SYCP1: variants seen among roughly 807,000 people sequenced by gnomAD.
SYCP1 encodes synaptonemal complex protein 1.
SYCP1 carries 64 observed loss-of-function variants against 153.1 expected under a neutral mutation model. That is an observed-to-expected ratio of 0.42 (90% CI 0.34 to 0.51). The LOEUF is 0.51. SYCP1 is among the 20% of genes least tolerant of loss of function. SYCP1 has a pLI of 0.06. For missense variants in SYCP1, 997 were observed against 1,049.0 expected (o/e 0.95, Z 0.68); for synonymous variants, 384 against 341.8 (o/e 1.12, Z -1.36).
intron 28 of SYCP1, among the ~76,000 whole-genome samples, chr1:114,979,924 G>A (rs1673043946): frequency 6.6e-6 from 1 of 151,808 alleles, no homozygotes; most frequent in African/African-American, 2.4e-5. Flanking sequence ...ACATGTAGTT[G>A]CCTCTTTATC....
At chr1:114,988,078 G>A (rs369718574) in intron 30 of SYCP1, among the ~76,000 whole-genome samples, 6 of 83,894 alleles carry the variant, frequency 7.2e-5, no homozygotes, top group Non-Finnish European at 1.2e-4. Context: ...TCTGATAAAC[G>A]GCAAAAAAAA....
intron 27 of SYCP1, among the ~76,000 whole-genome samples, chr1:114,976,781 G>A (rs1428989738): frequency 6.6e-6 from 1 of 151,764 alleles, no homozygotes; most frequent in African/African-American, 2.4e-5. Flanking sequence ...AGTGAAGTGA[G>A]TTCTGTGATT....
intron 27 of SYCP1, among the ~76,000 whole-genome samples, chr1:114,952,511 A>T (rs1671172898): frequency 6.6e-6 from 1 of 152,114 alleles, no homozygotes; most frequent in Non-Finnish European, 1.5e-5. Flanking sequence ...AGGGCTGGGG[A>T]GGCCTCAGGA....
chr1:114,955,393 A>G (rs1308325877), intron 27 of SYCP1, among the ~76,000 whole-genome samples: 2 of 152,042 alleles, frequency 1.3e-5, no homozygotes, highest in Admixed American at 6.5e-5. Flanking sequence ...TCTCTATACT[A>G]TCTTGTCTGG....
chr1:114,927,521 T>A (rs1669336772), intron 23 of SYCP1, among the ~76,000 whole-genome samples: 1 of 152,150 alleles, frequency 6.6e-6, no homozygotes, highest in African/African-American at 2.4e-5. Flanking sequence ...ATGGGGAATG[T>A]CAGTGAAGAA....
intron 27 of SYCP1, among the ~76,000 whole-genome samples, chr1:114,973,579 T>G (rs1672623647): frequency 1.3e-5 from 2 of 152,140 alleles, no homozygotes; most frequent in African/African-American, 4.8e-5. Context: ...AATGAGCACA[T>G]TTGTATATTG....
chr1:114,858,480 G>A (rs1406988834), intron 5 of SYCP1, 67 bp from the exon 6 acceptor site: 2 of 1,343,890 alleles, frequency 1.5e-6, no homozygotes, highest in African/African-American at 1.5e-5. Flanking sequence ...GATATTTTCA[G>A]TAGGCAGCTG....
chr1:114,877,146 A>G (rs1665598687), intron 11 of SYCP1, among the ~76,000 whole-genome samples: 1 of 152,150 alleles, frequency 6.6e-6, no homozygotes, highest in Non-Finnish European at 1.5e-5. Flanking sequence ...TGACTACTCA[A>G]CTTACATTTT....
At chr1:114,919,040 A>G (rs993884253) in intron 20 of SYCP1, among the ~76,000 whole-genome samples, 10 of 152,014 alleles carry the variant, frequency 6.6e-5, no homozygotes, top group Non-Finnish European at 1.5e-4. Flanking sequence ...CTCCAGTACT[A>G]TGTTGAATAA....
chr1:114,984,704 T>A (rs1223589541), intron 29 of SYCP1, 21 bp from the exon 30 acceptor site: 1 of 1,343,282 alleles, frequency 7.4e-7, no homozygotes, highest in African/African-American at 1.5e-5. Flanking sequence ...TGATAATGTA[T>A]GGTTTTTTAT....
rs1002299898 is a variant in SYCP1, at chr1:114,948,058, CT to C, written c.2322+739del. Among the ~76,000 whole-genome samples, 11 of 151,712 alleles carry C rather than the reference CT, an allele frequency of 7.3e-5. No individual in the cohort carries two copies. In the East Asian group the frequency reaches 1.2e-3, roughly 16 times the overall value. On this transcript the variant is annotated intron_variant, in intron 27 of 31. Transcript: ENST00000369522. ...TATCTCCTAATGCTATCCCTACCCC[CT>C]GGAACACTTTTAAATATACTGTATA...
At chr1:114,877,810 A>G (rs1309302685) in intron 11 of SYCP1, among the ~76,000 whole-genome samples, 1 of 152,298 alleles carries the variant, frequency 6.6e-6, no homozygotes, top group Admixed American at 6.5e-5. Flanking sequence ...ACCATTATGT[A>G]TGTTGACTTT....
intron 5 of SYCP1, among the ~76,000 whole-genome samples, chr1:114,857,744 A>G (rs1023506418): frequency 2.0e-5 from 3 of 152,156 alleles, no homozygotes; most frequent in Non-Finnish European, 4.4e-5. Context: ...TGAAAAGTAT[A>G]TTATCAAGAG....
intron 12 of SYCP1, among the ~76,000 whole-genome samples, chr1:114,878,986 C>A (rs1348952631): frequency 6.6e-6 from 1 of 152,046 alleles, no homozygotes; most frequent in South Asian, 2.1e-4. Flanking sequence ...CTGGAGTAGA[C>A]AATACAGGTG....
chr1:114,874,500 C>T lies in SYCP1; in HGVS notation c.599-6C>T, dbSNP rs761215613. 6.6e-7 allele frequency: 1 copy of T among 1,515,194 alleles called. No individual in the cohort carries two copies. The highest frequency in any genetic ancestry group is 9.0e-7 in the Non-Finnish European group (1 of 1,107,208). 93.9% of individuals were successfully genotyped at this position (1,515,194 alleles called of 1,614,324 possible). A position where few individuals can be genotyped will look rare whatever the true frequency, so the allele number is the denominator to read the frequency against. ...TTTAATCTTGAAATTTTTATATTAA[C>T]AATAGATGAATATGAACGGGAAGAA... is the stretch of plus-strand genomic sequence containing the variant. On this transcript the variant is annotated splice_polypyrimidine_tract_variant and splice_region_variant and intron_variant, in intron 8 of 31. Coordinates refer to ENST00000369522, the MANE Select transcript of SYCP1 (RefSeq NM_003176.4).
In SYCP1 at chr1:114,994,272, TAA is replaced by T. The variant is rs544747624; in HGVS notation, c.2704-425_2704-424del. On this transcript the variant is annotated intron_variant, in intron 30 of 31. Transcript: ENST00000369522. ...AATTGCTGGATCATAGATAATATTA[TAA>T]GTTTTTTTAGAATTATAAATACTTG... Among the ~76,000 whole-genome samples the T allele has an allele frequency of 9.2e-4, 139 of 151,530 alleles. 1 individual carries two copies. The highest frequency in any genetic ancestry group is 3.2e-3 in the African/African-American group (133 of 41,488).
chr1:114,928,415 C>CA (rs1669397541), intron 23 of SYCP1, among the ~76,000 whole-genome samples: 1 of 152,102 alleles, frequency 6.6e-6, no homozygotes, highest in African/African-American at 2.4e-5. Flanking sequence ...AATAAACCAT[C>CA]AACCCAGAAT....
intron 29 of SYCP1, among the ~76,000 whole-genome samples, chr1:114,983,208 A>G (rs1311928355): frequency 6.6e-6 from 1 of 152,002 alleles, no homozygotes; most frequent in Admixed American, 6.6e-5. Context: ...GAGCCTATAG[A>G]TAGCCCTACA....
At chr1:114,955,653 A>T (rs1389403909) in intron 27 of SYCP1, among the ~76,000 whole-genome samples, 1 of 152,198 alleles carries the variant, frequency 6.6e-6, no homozygotes, top group African/African-American at 2.4e-5. Context: ...TTCTGCACCT[A>T]TCCAGTCAAA....
Sources: allele counts gnomAD v4.1 joint callset (sites outside exome capture counted in the v4.1 genomes callset), GRCh38; gene constraint gnomAD v4.1.1; transcripts MANE v1.5; gene names NCBI Gene and HGNC (gene_info 2026-07-23, HGNC 2026-07-21).